The following PPP3R1 variants were observed in gnomAD, a reference collection of about 807,000 sequenced individuals.
The protein encoded by PPP3R1 is protein phosphatase 3 regulatory subunit B, alpha.
A neutral mutation model predicts 22.6 loss-of-function variants in PPP3R1; 5 were observed. That is an observed-to-expected ratio of 0.22 (90% CI 0.12 to 0.46). The LOEUF (loss-of-function observed/expected upper bound fraction) is 0.46. Ranked by LOEUF, PPP3R1 falls within the 20% of genes least tolerant of loss-of-function variation. The pLI is 0.99. For synonymous variants in PPP3R1, 56 were observed against 65.2 expected (o/e 0.86, Z 0.68); for missense variants, 61 against 203.2 (o/e 0.30, Z 4.25).
intron 1 of PPP3R1, among the ~76,000 whole-genome samples, chr2:68,245,267 A>G (rs1670213284): frequency 6.6e-6 from 1 of 152,058 alleles, no homozygotes; most frequent in African/African-American, 2.4e-5. Flanking sequence ...GAGGCTGAGG[A>G]GGGAGGATGG....
chr2:68,181,245 T>C (rs1043221749), intron 5 of PPP3R1, among the ~76,000 whole-genome samples: 7 of 151,916 alleles, frequency 4.6e-5, no homozygotes, highest in African/African-American at 1.7e-4. Context: ...TACAAAAACT[T>C]AGCCGGGTGT....
chr2:68,191,020 A>G (rs1410733677), intron 2 of PPP3R1, among the ~76,000 whole-genome samples: 3 of 152,216 alleles, frequency 2.0e-5, no homozygotes, highest in African/African-American at 7.2e-5. Flanking sequence ...GGTCTACTCT[A>G]TCCATATTTT....
At chr2:68,200,143 T>G (rs1482413614) in intron 2 of PPP3R1, among the ~76,000 whole-genome samples, 1 of 152,208 alleles carries the variant, frequency 6.6e-6, no homozygotes, top group Non-Finnish European at 1.5e-5. Flanking sequence ...GTAATTTGTT[T>G]TGCAAGGAAT....
intron 1 of PPP3R1, among the ~76,000 whole-genome samples, chr2:68,236,709 G>C (rs1447601378): frequency 6.6e-6 from 1 of 152,066 alleles, no homozygotes; most frequent in Non-Finnish European, 1.5e-5. Flanking sequence ...TACTGATGAG[G>C]TTGTTTTTAC....
At chr2:68,227,259 A>G (rs1669800274) in intron 1 of PPP3R1, among the ~76,000 whole-genome samples, 1 of 152,088 alleles carries the variant, frequency 6.6e-6, no homozygotes, top group Non-Finnish European at 1.5e-5. Flanking sequence ...CAATCGTAAT[A>G]GAATATTTTT....
At position 68,202,337 on chromosome 2, in the gene PPP3R1, C is replaced by T. The variant is rs541004739; in HGVS notation, c.44-13647G>A. Reference sequence around the variant, plus strand: ...CGAAACTACAAATTTCTTAGTGCTGCCACAATACCAAAATTTGACAGTGTG... The same window carrying T: ...CGAAACTACAAATTTCTTAGTGCTGTCACAATACCAAAATTTGACAGTGTG... On this transcript the variant is annotated intron_variant, in intron 2 of 5. Coordinates refer to ENST00000234310, the MANE Select transcript of PPP3R1 (RefSeq NM_000945.4). Among the ~76,000 whole-genome samples, 206 of 152,336 alleles carry T rather than the reference C, an allele frequency of 1.4e-3. 1 individual carries two copies. The highest frequency in any genetic ancestry group is 4.7e-3 in the African/African-American group (196 of 41,574).
Position 68,180,435 on chromosome 2 carries a change from G to T in PPP3R1, c.*528C>A, listed in dbSNP as rs546708904. The T allele has an allele frequency of 1.3e-5, 2 of 152,736 alleles. No homozygotes were observed. The highest frequency in any genetic ancestry group is 4.1e-4 in the South Asian group (2 of 4,828). The allele number at this position is 152,736 out of a possible 1,614,324, so 9.5% of individuals were successfully genotyped here. A position where few individuals can be genotyped will look rare whatever the true frequency, so the allele number is the denominator to read the frequency against. ...CAATCTCTCAAAGGAGAAAGCACAGGAAAAGGAAAATAGCTGGCCTAACAC... is the reference window on the plus strand; with the variant it reads ...CAATCTCTCAAAGGAGAAAGCACAGTAAAAGGAAAATAGCTGGCCTAACAC... On this transcript the variant is annotated 3_prime_UTR_variant, in exon 6 of 6. Transcript: ENST00000234310.
At chr2:68,250,322 G>A (rs920726447) in intron 1 of PPP3R1, among the ~76,000 whole-genome samples, 44 of 152,202 alleles carry the variant, frequency 2.9e-4, no homozygotes, top group African/African-American at 1.0e-3. Flanking sequence ...AGAGCTAAAA[G>A]AGAACTTCCC....
intron 2 of PPP3R1, among the ~76,000 whole-genome samples, chr2:68,198,020 G>A (rs1674828163): frequency 8.7e-6 from 1 of 114,888 alleles, no homozygotes. Context: ...CAGAAATACA[G>A]CTGTTTTGTT....
At chr2:68,232,975 TCTA>T (rs1265854757) in intron 1 of PPP3R1, among the ~76,000 whole-genome samples, 1 of 152,174 alleles carries the variant, frequency 6.6e-6, no homozygotes, top group African/African-American at 2.4e-5. Context: ...CAGGCTACTA[TCTA>T]CTATAATCTA....
intron 2 of PPP3R1, among the ~76,000 whole-genome samples, chr2:68,215,664 A>G (rs1217096155): frequency 6.6e-6 from 1 of 152,220 alleles, no homozygotes; most frequent in African/African-American, 2.4e-5. Flanking sequence ...AAGTTTGAAT[A>G]GTATTGAATA....
At chr2:68,199,809 C>A (rs938271553) in intron 2 of PPP3R1, among the ~76,000 whole-genome samples, 39 of 152,070 alleles carry the variant, frequency 2.6e-4, no homozygotes, top group African/African-American at 9.4e-4. Flanking sequence ...GTTTTATCAT[C>A]CTTTTTACAC....
Position 68,252,160 on chromosome 2 carries a change from C to A in PPP3R1, c.-33G>T. The A allele has an allele frequency of 7.1e-7, 1 of 1,405,628 alleles. No homozygotes were observed. The highest frequency in any genetic ancestry group is 9.5e-7 in the Non-Finnish European group (1 of 1,057,374). The allele number at this position is 1,405,628 out of a possible 1,614,324, so 87.1% of individuals were successfully genotyped here. On this transcript the variant is annotated 5_prime_UTR_variant, in exon 1 of 6. Transcript: ENST00000234310. ...GGCGGGTCGGCGGCTCGCTGGCTCG[C>A]TGGCTCGGAGAAGTGTTGCGCTCAG...
chr2:68,189,292 T>A (rs1379634715), intron 2 of PPP3R1, among the ~76,000 whole-genome samples: 6 of 152,178 alleles, frequency 3.9e-5, no homozygotes, highest in Non-Finnish European at 8.8e-5. Context: ...TTTGCAAGTT[T>A]GAGCAAATAA....
At chr2:68,233,940 T>C (rs1425598580) in intron 1 of PPP3R1, among the ~76,000 whole-genome samples, 1 of 152,024 alleles carries the variant, frequency 6.6e-6, no homozygotes, top group Non-Finnish European at 1.5e-5. Context: ...ATTTACTGAA[T>C]ACAAAAAAAA....
chr2:68,237,739 C>T (rs566145006), intron 1 of PPP3R1, among the ~76,000 whole-genome samples: 7 of 151,892 alleles, frequency 4.6e-5, no homozygotes, highest in Non-Finnish European at 1.0e-4. Context: ...CATCTTTATA[C>T]CTGAAACTAT....
chr2:68,195,835 T>C (rs1327532829), intron 2 of PPP3R1, among the ~76,000 whole-genome samples: 1 of 152,164 alleles, frequency 6.6e-6, no homozygotes, highest in African/African-American at 2.4e-5. Flanking sequence ...TCCAGCTTTA[T>C]TAGGTCTTTA....
At chr2:68,229,965 TACACACATACAC>T (rs757391753) in intron 1 of PPP3R1, among the ~76,000 whole-genome samples, 19 of 49,494 alleles carry the variant, frequency 3.8e-4, no homozygotes, top group African/African-American at 1.7e-3. Flanking sequence ...TGTGTATATA[TACACACATACAC>T]ACACACACAC....
chr2:68,188,725 T>A (rs552718073), intron 2 of PPP3R1, 35 bp from the exon 3 acceptor site: 101 of 1,525,644 alleles, frequency 6.6e-5, no homozygotes, highest in African/African-American at 5.3e-4. Context: ...AAGAATTTTT[T>A]AAAAATGTTC....
Sources: allele counts gnomAD v4.1 joint callset (sites outside exome capture counted in the v4.1 genomes callset), GRCh38; gene constraint gnomAD v4.1.1; transcripts MANE v1.5; gene names NCBI Gene and HGNC (gene_info 2026-07-23, HGNC 2026-07-21).